RBFOX1: variants seen among roughly 807,000 people sequenced by gnomAD.
RBFOX1 encodes RNA binding protein fox-1 homolog 1.
A neutral mutation model predicts 57.7 loss-of-function variants in RBFOX1; 8 were observed. That is an observed-to-expected ratio of 0.14 (90% CI 0.08 to 0.25). The LOEUF (loss-of-function observed/expected upper bound fraction) is 0.25. Ranked by LOEUF, RBFOX1 falls within the 10% of genes least tolerant of loss-of-function variation. The pLI, the probability that RBFOX1 is intolerant of heterozygous loss-of-function variation, is 1.00. For synonymous variants in RBFOX1, 326 were observed against 222.4 expected (o/e 1.47, Z -4.15); for missense variants, 611 against 548.5 (o/e 1.11, Z -1.14).
chr16:7,218,647 T>TGCGTGTGC (rs58736436), intron 4 of RBFOX1, among the ~76,000 whole-genome samples: 6 of 148,810 alleles, frequency 4.0e-5, no homozygotes, highest in African/African-American at 1.5e-4. Context: ...TGTGTGTGTG[T>TGCGTGTGC]GTGTGTGTGT....
intron 10 of RBFOX1, among the ~76,000 whole-genome samples, chr16:7,624,157 GC>G (rs1397510340): frequency 1.3e-5 from 2 of 152,166 alleles, no homozygotes; most frequent in Non-Finnish European, 2.9e-5. Context: ...GGCATCAGAC[GC>G]CTACTATGGA....
chr16:7,247,759 G>C (rs11639915), intron 4 of RBFOX1, among the ~76,000 whole-genome samples: 101,861 of 152,042 alleles, frequency 0.67, 36,248 homozygotes, highest in African/African-American at 0.92. Flanking sequence ...AGGGAGCAAG[G>C]TCGGTGCTGT....
chr16:6,071,233 A>T (rs1379446888), intron 1 of RBFOX1, among the ~76,000 whole-genome samples: 1 of 152,138 alleles, frequency 6.6e-6, no homozygotes, highest in African/African-American at 2.4e-5. Context: ...AGATGGGAGG[A>T]TCGTTTGAGC....
intron 3 of RBFOX1, among the ~76,000 whole-genome samples, chr16:5,646,176 C>A (rs896860926): frequency 7.5e-6 from 1 of 134,098 alleles, no homozygotes; most frequent in African/African-American, 2.6e-5. Context: ...ATTACAGGCA[C>A]GTGCTATTTT....
intron 4 of RBFOX1, among the ~76,000 whole-genome samples, chr16:7,410,697 A>G (rs1430664727): frequency 6.6e-6 from 1 of 152,064 alleles, no homozygotes; most frequent in Non-Finnish European, 1.5e-5. Flanking sequence ...ACAAAACAAC[A>G]AAAAAACAAA....
intron 2 of RBFOX1, among the ~76,000 whole-genome samples, chr16:6,541,481 C>G (rs769506709): frequency 3.9e-5 from 6 of 152,072 alleles, no homozygotes; most frequent in Admixed American, 1.3e-4. Flanking sequence ...AGTGATCTGC[C>G]GAGAAAGATG....
At chr16:7,699,351 C>G (rs1406513942) in intron 14 of RBFOX1, among the ~76,000 whole-genome samples, 1 of 152,148 alleles carries the variant, frequency 6.6e-6, no homozygotes, top group African/African-American at 2.4e-5. Context: ...GCTACCACAC[C>G]CAGCTGATAT....
intron 1 of RBFOX1, among the ~76,000 whole-genome samples, chr16:5,325,490 A>G (rs1469378480): frequency 1.3e-5 from 2 of 152,162 alleles, no homozygotes; most frequent in African/African-American, 4.8e-5. Context: ...GTACGGTTCT[A>G]TGAATTTTAA....
At chr16:7,511,673 G>T (rs988880358) in intron 4 of RBFOX1, among the ~76,000 whole-genome samples, 1 of 151,504 alleles carries the variant, frequency 6.6e-6, no homozygotes. Flanking sequence ...TAATCCTTTT[G>T]CTCTTGGTAA....
intron 4 of RBFOX1, among the ~76,000 whole-genome samples, chr16:6,003,301 AAT>A (rs1319762316): frequency 8.8e-4 from 130 of 148,156 alleles, no homozygotes; most frequent in African/African-American, 3.1e-3. Flanking sequence ...AAAAAAAAGC[AAT>A]GAGAGGGAAA....
chr16:6,517,349 T>A (rs1349951013), intron 2 of RBFOX1, among the ~76,000 whole-genome samples: 2 of 152,214 alleles, frequency 1.3e-5, no homozygotes, highest in Admixed American at 6.5e-5. Flanking sequence ...TCCGAATACA[T>A]CTGTGTTTGG....
intron 3 of RBFOX1, among the ~76,000 whole-genome samples, chr16:5,772,112 C>T (rs960476084): frequency 1.9e-4 from 29 of 152,086 alleles, no homozygotes; most frequent in African/African-American, 6.7e-4. Context: ...GCGGAGGTTG[C>T]AATGAGCCGA....
At chr16:6,383,995 A>G (rs924750704) in intron 2 of RBFOX1, among the ~76,000 whole-genome samples, 56 of 151,334 alleles carry the variant, frequency 3.7e-4, no homozygotes, top group African/African-American at 1.2e-3. Flanking sequence ...TACTGCTGCT[A>G]TCACTCTCTT....
At chr16:7,347,135 A>G (rs907238636) in intron 4 of RBFOX1, among the ~76,000 whole-genome samples, 1 of 152,144 alleles carries the variant, frequency 6.6e-6, no homozygotes, top group African/African-American at 2.4e-5. Context: ...ACATTTAGCA[A>G]TATCTGGACA....
At chr16:6,976,000 G>A (rs1157161960) in intron 3 of RBFOX1, among the ~76,000 whole-genome samples, 2 of 151,968 alleles carry the variant, frequency 1.3e-5, no homozygotes, top group Non-Finnish European at 2.9e-5. Context: ...GGTGGTGGGC[G>A]CCTGTAATCT....
At chr16:7,664,724 TG>T in intron 12 of RBFOX1, 1 of 804,628 alleles carries the variant, frequency 1.2e-6, no homozygotes. Context: ...ATCCTAATTC[TG>T]GGCCAACACC....
At chr16:6,572,573 G>A (rs567077495) in intron 2 of RBFOX1, among the ~76,000 whole-genome samples, 5 of 151,874 alleles carry the variant, frequency 3.3e-5, no homozygotes, top group African/African-American at 7.2e-5. Flanking sequence ...GGACAGCTAT[G>A]TTTTCACATC....
intron 4 of RBFOX1, among the ~76,000 whole-genome samples, chr16:7,095,310 G>C (rs1160549834): frequency 6.6e-6 from 1 of 152,054 alleles, no homozygotes; most frequent in African/African-American, 2.4e-5. Flanking sequence ...GTTCATTTTT[G>C]TATTTTTAGT....
intron 3 of RBFOX1, among the ~76,000 whole-genome samples, chr16:5,727,683 GTTGT>G (rs556037346): frequency 1.1e-4 from 17 of 152,006 alleles, no homozygotes; most frequent in South Asian, 4.2e-4. Flanking sequence ...TTTTGTTGTT[GTTGT>G]TTGTTTGTTT....
Sources: allele counts gnomAD v4.1 joint callset (sites outside exome capture counted in the v4.1 genomes callset), GRCh38; gene constraint gnomAD v4.1.1; transcripts MANE v1.5; gene names NCBI Gene and HGNC (gene_info 2026-07-23, HGNC 2026-07-21).